DFFA: variants seen among roughly 807,000 people sequenced by gnomAD.
DFFA encodes the protein DNA fragmentation factor subunit alpha.
In DFFA, 14 loss-of-function variants were observed where a neutral mutation model predicts 28.0. The observed-to-expected ratio is 0.50, with a 90% CI of 0.33 to 0.78. The LOEUF (loss-of-function observed/expected upper bound fraction) is 0.78. Among genes scored for constraint, DFFA ranks in the 30% least tolerant of loss-of-function variants. The pLI, the probability that DFFA is intolerant of heterozygous loss-of-function variation, is 0.02. For synonymous variants in DFFA, 158 were observed against 170.3 expected (o/e 0.93, Z 0.56); for missense variants, 395 against 407.1 (o/e 0.97, Z 0.26).
At chr1:10,470,667 C>T (rs570771677) in intron 1 of DFFA, among the ~76,000 whole-genome samples, 4 of 149,798 alleles carry the variant, frequency 2.7e-5, no homozygotes, top group South Asian at 2.1e-4. Flanking sequence ...CCTCGTGATC[C>T]GCCCACCTCG....
chr1:10,470,224 C>T (rs1258932298), intron 1 of DFFA, among the ~76,000 whole-genome samples: 2 of 152,066 alleles, frequency 1.3e-5, no homozygotes. Context: ...GGTTAAGTAA[C>T]TTGTCTAAGA....
chr1:10,463,328 C>T (rs767824944), intron 4 of DFFA, 103 bp downstream of exon 4: 74 of 1,544,312 alleles, frequency 4.8e-5, no homozygotes, highest in African/African-American at 2.6e-4. Flanking sequence ...TCCCAGCAGC[C>T]GCGGCTTCAG....
intron 1 of DFFA, among the ~76,000 whole-genome samples, chr1:10,469,865 G>A (rs1249424954): frequency 7.4e-5 from 11 of 149,210 alleles, no homozygotes; most frequent in African/African-American, 2.7e-4. Flanking sequence ...GAGACAGGCT[G>A]GCGTGCAGTA....
chr1:10,469,751 C>G (rs1641070176), intron 1 of DFFA, among the ~76,000 whole-genome samples: 1 of 152,146 alleles, frequency 6.6e-6, no homozygotes, highest in Non-Finnish European at 1.5e-5. Context: ...GAACTCCTGA[C>G]CTCATGATCC....
At chr1:10,471,054 C>G (rs1319582558) in intron 1 of DFFA, among the ~76,000 whole-genome samples, 1 of 114,968 alleles carries the variant, frequency 8.7e-6, no homozygotes, top group Non-Finnish European at 1.8e-5. Flanking sequence ...CAGAGTGACA[C>G]TCCGTCTCAA....
At chr1:10,464,967 T>C (rs1010421066) in intron 3 of DFFA, among the ~76,000 whole-genome samples, 2 of 151,944 alleles carry the variant, frequency 1.3e-5, no homozygotes, top group African/African-American at 4.8e-5. Flanking sequence ...TAAATATGTT[T>C]TGGGTCAAGC....
intron 3 of DFFA, among the ~76,000 whole-genome samples, chr1:10,465,864 G>C (rs1641014477): frequency 6.6e-6 from 1 of 151,480 alleles, no homozygotes; most frequent in Non-Finnish European, 1.5e-5. Context: ...GCTAATTTTT[G>C]TAGAGATAGG....
At position 10,469,180 on chromosome 1, in the gene DFFA, A is replaced by C; in HGVS notation, c.295T>G (p.Ser99Ala). The change falls in exon 2 of 6, where the codon TCA becomes GCA. Residue 99 changes from serine (S) to alanine (A), a missense_variant. Physicochemically the swap from Ser to Ala is moderately conservative, Grantham distance 99. Coordinates refer to ENST00000377038, the MANE Select transcript of DFFA (RefSeq NM_004401.3). Reference protein sequence around the residue: ...ASNEKWAYNNSDGGTAWISQE... With the variant: ...ASNEKWAYNNADGGTAWISQE... The stretch of plus-strand genomic sequence containing the variant: ...ATACATGGCTAGAGTTTCTTACCTG[A>C]ATTGTTGTATGCCCATTTCTCATTA... The C allele has an allele frequency of 1.2e-6, 2 of 1,614,112 alleles. No homozygotes were observed. Among genetic ancestry groups the C allele is most frequent in the Non-Finnish European group, 1.7e-6 (2 of 1,179,972 alleles).
chr1:10,471,014 G>T (rs1641090086), intron 1 of DFFA, among the ~76,000 whole-genome samples: 1 of 133,602 alleles, frequency 7.5e-6, no homozygotes, highest in African/African-American at 2.8e-5. Context: ...AGTGAGCCGA[G>T]ATAGCGCCAC....
At chr1:10,464,161 C>T (rs1191445238) in intron 3 of DFFA, among the ~76,000 whole-genome samples, 1 of 151,410 alleles carries the variant, frequency 6.6e-6, no homozygotes, top group Admixed American at 6.6e-5. Context: ...GGCACGATCT[C>T]GGCTCACTGC....
rs1182689133 is a variant in DFFA, at chr1:10,469,289, G to A, written c.186C>T (p.Val62=). 6 of 1,614,012 alleles carry A rather than the reference G, an allele frequency of 3.7e-6. No individual in the cohort carries two copies. The highest frequency in any genetic ancestry group is 1.7e-5 in the Admixed American group (1 of 59,994). The change falls in exon 2 of 6, where the codon GTC becomes GTT. Residue 62 remains valine (V), a synonymous_variant. Transcript: ENST00000377038. The part of the protein sequence containing the change: ...IDKSLTPVTL[V]LAEDGTIVDD... ...CCACTATGGTGCCATCCTCTGCCAGGACCAGGGTGACTGGTGTCAGGGACT... is the reference window on the plus strand; with the variant it reads ...CCACTATGGTGCCATCCTCTGCCAGAACCAGGGTGACTGGTGTCAGGGACT...
chr1:10,469,393 T>C, intron 1 of DFFA, 55 bp from the exon 2 acceptor site: 1 of 1,530,330 alleles, frequency 6.5e-7, no homozygotes, highest in Non-Finnish European at 9.0e-7. Flanking sequence ...AAATTACATC[T>C]ATCCCTGCAT....
chr1:10,461,911 G>C, intron 5 of DFFA: 1 of 961,110 alleles, frequency 1.0e-6, no homozygotes, highest in South Asian at 4.8e-5. Context: ...CTGGAGTGCA[G>C]TGACACTATC....
In DFFA at chr1:10,472,298, C is replaced by T; in HGVS notation, c.136+25G>A. The T allele has an allele frequency of 1.3e-6, 2 of 1,562,164 alleles. No homozygotes were observed. Among genetic ancestry groups the T allele is most frequent in the South Asian group, 1.2e-5 (1 of 85,910 alleles). On this transcript the variant is annotated intron_variant, in intron 1 of 5. Transcript: ENST00000377038. The surrounding 1 kb of genome is among the most constrained non-coding windows in gnomAD (Gnocchi z 5.0). ...CTCACCCGGCCCTGGCTCCCCCACA[C>T]CCTCGCCCGGGGTCCCGAGCCAACC...
chr1:10,459,195 C>T lies in DFFA; in HGVS notation c.*2295G>A, dbSNP rs1477745999. On this transcript the variant is annotated 3_prime_UTR_variant, in exon 6 of 6. Transcript: ENST00000377038. Reference sequence around the variant, plus strand: ...TACTTAATAACTAGCAGATGAATCTCTTAACAGTATTCTGTTTTCCTCTAA... The same window carrying T: ...TACTTAATAACTAGCAGATGAATCTTTTAACAGTATTCTGTTTTCCTCTAA... The T allele has an allele frequency of 1.3e-5, 2 of 152,198 alleles. No individual in the cohort carries two copies. The highest frequency in any genetic ancestry group is 2.9e-5 in the Non-Finnish European group (2 of 68,036). 9.4% of individuals were successfully genotyped at this position (152,198 alleles called of 1,614,324 possible).
intron 3 of DFFA, among the ~76,000 whole-genome samples, chr1:10,464,988 A>G (rs193021516): frequency 5.3e-5 from 8 of 152,288 alleles, no homozygotes; most frequent in Admixed American, 4.6e-4. Flanking sequence ...ACAGAGGCTC[A>G]TATCAATAAT....
chr1:10,466,511 A>T (rs908169359), intron 3 of DFFA, among the ~76,000 whole-genome samples: 6 of 152,004 alleles, frequency 3.9e-5, no homozygotes, highest in African/African-American at 1.4e-4. Flanking sequence ...ACTAGAGAGA[A>T]AACACAAGGA....
chr1:10,466,688 C>T (rs998835197), intron 3 of DFFA, among the ~76,000 whole-genome samples: 5 of 151,670 alleles, frequency 3.3e-5, no homozygotes, highest in East Asian at 3.9e-4. Flanking sequence ...TGGCCGGGCA[C>T]GGTGGCTCAC....
chr1:10,465,226 C>T (rs1385838109), intron 3 of DFFA, among the ~76,000 whole-genome samples: 3 of 152,204 alleles, frequency 2.0e-5, no homozygotes, highest in Admixed American at 1.3e-4. Context: ...TCCTGAGTAG[C>T]TGGGACTACA....
Sources: allele counts gnomAD v4.1 joint callset (sites outside exome capture counted in the v4.1 genomes callset), GRCh38; gene constraint gnomAD v4.1.1; non-coding constraint Gnocchi (gnomAD v3.1); transcripts MANE v1.5; gene names NCBI Gene and HGNC (gene_info 2026-07-23, HGNC 2026-07-21).